Variants in TRIM2 observed in about 807,000 individuals in gnomAD.
TRIM2 encodes the protein tripartite motif containing 2.
TRIM2 carries 20 observed loss-of-function variants against 75.2 expected under a neutral mutation model. The observed-to-expected ratio is 0.27, with a 90% CI of 0.19 to 0.39. The LOEUF (loss-of-function observed/expected upper bound fraction) is 0.39, where lower values mean the gene tolerates loss of function less well. Among genes scored for constraint, TRIM2 ranks in the 10% least tolerant of loss-of-function variants. The pLI is 1.00. For synonymous variants in TRIM2, 373 were observed against 388.3 expected (o/e 0.96, Z 0.46); for missense variants, 660 against 990.8 (o/e 0.67, Z 4.48).
Position 153,293,144 on chromosome 4 carries a change from C to G in TRIM2, c.605+11C>G. 1.3e-6 allele frequency: 2 copies of G among 1,595,602 alleles called. No individual in the cohort carries two copies. Among genetic ancestry groups the G allele is most frequent in the Middle Eastern group, 1.9e-4 (1 of 5,328 alleles). ...TGCTGTCAACAAAAGGTGGGGGACCCCTCCCCAAACCCCCAACTGGCTGCC... is the reference window on the plus strand; with the variant it reads ...TGCTGTCAACAAAAGGTGGGGGACCGCTCCCCAAACCCCCAACTGGCTGCC... On this transcript the variant is annotated intron_variant, in intron 4 of 11. Coordinates refer to ENST00000338700, the MANE Select transcript of TRIM2 (RefSeq NM_015271.5).
At chr4:153,198,014 C>T (rs1160739810) in intron 1 of TRIM2, among the ~76,000 whole-genome samples, 3 of 152,332 alleles carry the variant, frequency 2.0e-5, no homozygotes, top group Non-Finnish European at 4.4e-5. Context: ...TAATCTTGGA[C>T]TTCCAGCCTC....
At chr4:153,331,714 C>G (rs1422914021) in intron 11 of TRIM2, among the ~76,000 whole-genome samples, 1 of 152,114 alleles carries the variant, frequency 6.6e-6, no homozygotes, top group Non-Finnish European at 1.5e-5. Flanking sequence ...ATCACTCTAC[C>G]CTTACAAACC....
chr4:153,211,936 G>A (rs946165706), intron 1 of TRIM2, among the ~76,000 whole-genome samples: 1 of 152,116 alleles, frequency 6.6e-6, no homozygotes, highest in Non-Finnish European at 1.5e-5. Flanking sequence ...TCCCAAGATG[G>A]TTTGTTACTG....
At chr4:153,211,310 T>A (rs754660626) in intron 1 of TRIM2, among the ~76,000 whole-genome samples, 1 of 152,120 alleles carries the variant, frequency 6.6e-6, no homozygotes, top group Non-Finnish European at 1.5e-5. Flanking sequence ...TTGGGGTTAC[T>A]GGGTCAGAGA....
intron 6 of TRIM2, chr4:153,308,381 G>A (rs570217477): frequency 1.1e-4 from 103 of 952,558 alleles, no homozygotes; most frequent in Admixed American, 7.0e-4. Context: ...TGATCTCAAT[G>A]AGGGAGTCCT....
At chr4:153,161,059 T>C (rs1167666326) in intron 1 of TRIM2, among the ~76,000 whole-genome samples, 1 of 152,238 alleles carries the variant, frequency 6.6e-6, no homozygotes, top group Non-Finnish European at 1.5e-5. Context: ...GCCAAAGTGA[T>C]TAACTCTTCA....
chr4:153,166,353 T>G (rs931294477), intron 1 of TRIM2, among the ~76,000 whole-genome samples: 4 of 152,192 alleles, frequency 2.6e-5, no homozygotes, highest in African/African-American at 9.7e-5. Context: ...CTATAACACT[T>G]GATTGGAGTC....
chr4:153,153,112 C>G (rs937223205), upstream of TRIM2: 1 of 152,198 alleles, frequency 6.6e-6, no homozygotes, highest in African/African-American at 2.4e-5. Flanking sequence ...GCTGGCGGCA[C>G]TGAGGAGCAT....
At position 153,295,878 on chromosome 4, in the gene TRIM2, C is replaced by T. The variant is rs1198102119; in HGVS notation, c.1352C>T (p.Ser451Phe). 1.2e-6 allele frequency: 2 copies of T among 1,613,740 alleles called. No individual in the cohort carries two copies. Among genetic ancestry groups the T allele is most frequent in the Non-Finnish European group, 1.7e-6 (2 of 1,179,906 alleles). Residue 451 changes from serine to phenylalanine, a missense_variant, in exon 6 of 12, where the codon TCC becomes TTC. Physicochemically the swap from Ser to Phe is radical, Grantham distance 155. This residue lies in a region of TRIM2 where 620 missense variants were observed against 891.0 expected (regional missense o/e 0.70). Coordinates refer to ENST00000338700, the MANE Select transcript of TRIM2 (RefSeq NM_015271.5). This position sits in a 1 kb window ranked among gnomAD's most constrained non-coding sequence, Gnocchi z 7.2. ...GSPFKLKVIR[S>F]ADVSPTTEGV... ...CCGTTTAAGCTGAAAGTGATCCGAT[C>T]CGCTGATGTGTCTCCCACCACAGAA...
chr4:153,289,627 C>T (rs1290477907), intron 3 of TRIM2, among the ~76,000 whole-genome samples: 3 of 152,132 alleles, frequency 2.0e-5, no homozygotes, highest in African/African-American at 4.8e-5. Flanking sequence ...GTTTCTTATA[C>T]TGCTGGGGAA....
At chr4:153,197,669 C>T (rs1046310536) in intron 1 of TRIM2, among the ~76,000 whole-genome samples, 19 of 152,036 alleles carry the variant, frequency 1.2e-4, no homozygotes, top group Non-Finnish European at 2.5e-4. Context: ...GTCAGGAGTT[C>T]GAGACCAGCC....
Position 153,293,118 on chromosome 4 carries a change from A to G in TRIM2, c.590A>G (p.Asp197Gly). 6.2e-7 allele frequency: 1 copy of G among 1,607,604 alleles called. No homozygotes were observed. Among genetic ancestry groups the G allele is most frequent in the Non-Finnish European group, 8.5e-7 (1 of 1,175,062 alleles). Residue 197 changes from aspartate to glycine, a missense_variant, in exon 4 of 12, where the codon GAT (aspartate) becomes GGT (glycine). This residue lies in a region of TRIM2 where 620 missense variants were observed against 891.0 expected (regional missense o/e 0.70). Transcript: ENST00000338700. ...AAGGCCTCGCTCCAGGTCCAGCTGG[A>G]TGCTGTCAACAAAAGGTGGGGGACC... Reference protein sequence around the residue: ...QHKASLQVQLDAVNKRLPEID... With the variant: ...QHKASLQVQLGAVNKRLPEID...
chr4:153,242,627 C>T (rs1189511576), intron 1 of TRIM2, among the ~76,000 whole-genome samples: 1 of 152,188 alleles, frequency 6.6e-6, no homozygotes, highest in African/African-American at 2.4e-5. Flanking sequence ...AAGACCTTTG[C>T]TTGTTGTATT....
At chr4:153,172,237 G>C (rs1730953503) in intron 1 of TRIM2, among the ~76,000 whole-genome samples, 1 of 151,890 alleles carries the variant, frequency 6.6e-6, no homozygotes, top group Non-Finnish European at 1.5e-5. Context: ...ACCCAGGCCG[G>C]AGTGCAGTGG....
intron 6 of TRIM2, chr4:153,308,728 C>A: frequency 1.8e-6 from 1 of 548,332 alleles, no homozygotes; most frequent in Non-Finnish European, 3.7e-6. Context: ...ACCCTCCAAG[C>A]TGAGCTTGCA....
intron 4 of TRIM2, among the ~76,000 whole-genome samples, chr4:153,294,081 A>G (rs1283157224): frequency 1.3e-5 from 2 of 152,176 alleles, no homozygotes; most frequent in Admixed American, 6.5e-5. Context: ...AAATTGGACA[A>G]TTGATGGTAG....
chr4:153,278,591 G>A (rs1758533500), intron 3 of TRIM2, among the ~76,000 whole-genome samples: 2 of 151,908 alleles, frequency 1.3e-5, no homozygotes, highest in Admixed American at 1.3e-4. Flanking sequence ...TTGAGCCCAG[G>A]AGTTTGAGAC....
intron 6 of TRIM2, among the ~76,000 whole-genome samples, chr4:153,312,158 T>C (rs1766510293): frequency 6.7e-6 from 1 of 149,446 alleles, no homozygotes; most frequent in Admixed American, 6.7e-5. Context: ...AGTGAGAATA[T>C]GTGGTGTTTG....
chr4:153,270,225 G>A, intron 1 of TRIM2, 110 bp from the exon 2 acceptor site: 1 of 1,337,366 alleles, frequency 7.5e-7, no homozygotes, highest in Non-Finnish European at 1.0e-6. Flanking sequence ...ACCACACCTG[G>A]CCGACTTCTA....
Sources: gnomAD v4.1 joint callset for allele counts (sites outside exome capture counted in the v4.1 genomes callset) on GRCh38, gnomAD v4.1.1 for gene constraint, gnomAD v4.1.1 regional missense constraint, Gnocchi (gnomAD v3.1) non-coding constraint, MANE v1.5 for transcripts, NCBI Gene and HGNC (gene_info 2026-07-23, HGNC 2026-07-21) for gene names.